Variants in PSMD14 observed in about 807,000 individuals in gnomAD.
PSMD14 encodes proteasome 26S subunit, non-ATPase 14.
A neutral mutation model predicts 41.2 loss-of-function variants in PSMD14; 7 were observed. That is an observed-to-expected ratio of 0.17 (90% CI 0.10 to 0.32). PSMD14 has a LOEUF of 0.32. Ranked by LOEUF, PSMD14 falls within the 10% of genes least tolerant of loss-of-function variation. The pLI is 1.00. For missense variants in PSMD14, 139 were observed against 375.6 expected (o/e 0.37, Z 5.21); for synonymous variants, 114 against 122.3 (o/e 0.93, Z 0.45).
chr2:161,319,630 T>C (rs988913021), intron 3 of PSMD14, among the ~76,000 whole-genome samples: 3 of 152,176 alleles, frequency 2.0e-5, no homozygotes, highest in African/African-American at 7.2e-5. Context: ...AATGTATTGT[T>C]TTATGACCAA....
At chr2:161,369,618 A>G (rs1683406559) in intron 5 of PSMD14, among the ~76,000 whole-genome samples, 1 of 152,074 alleles carries the variant, frequency 6.6e-6, no homozygotes, top group South Asian at 2.1e-4. Context: ...CAGAGAGATG[A>G]TCTGAACCTT....
intron 9 of PSMD14, among the ~76,000 whole-genome samples, chr2:161,393,160 C>T (rs187844288): frequency 8.9e-4 from 135 of 152,212 alleles, no homozygotes; most frequent in Non-Finnish European, 1.7e-3. Context: ...GAATCCTTGT[C>T]CAGGTATGAT....
At chr2:161,373,579 G>C (rs1025432491) in intron 7 of PSMD14, among the ~76,000 whole-genome samples, 2 of 151,850 alleles carry the variant, frequency 1.3e-5, no homozygotes, top group African/African-American at 4.8e-5. Flanking sequence ...ATGAAGAATA[G>C]TATAAGAGTC....
At chr2:161,389,912 T>TTTTTTTTTTTTTTTTTA (rs1299369817) in intron 8 of PSMD14, among the ~76,000 whole-genome samples, 1 of 130,290 alleles carries the variant, frequency 7.7e-6, no homozygotes, top group African/African-American at 3.3e-5. Context: ...TTTTTTTTTT[T>TTTTTTTTTTTTTTTTTA]AGAGATGGGG....
chr2:161,409,868 A>G (rs1684000747), intron 11 of PSMD14, among the ~76,000 whole-genome samples: 1 of 152,060 alleles, frequency 6.6e-6, no homozygotes, highest in South Asian at 2.1e-4. Context: ...TTATTTTCTC[A>G]TCTTATGTGA....
chr2:161,355,733 CT>C (rs1306118814), intron 3 of PSMD14, among the ~76,000 whole-genome samples: 1 of 152,092 alleles, frequency 6.6e-6, no homozygotes, highest in Non-Finnish European at 1.5e-5. Flanking sequence ...TTTTAAAACA[CT>C]TTTATATTAA....
intron 7 of PSMD14, among the ~76,000 whole-genome samples, chr2:161,377,177 T>A (rs942272034): frequency 6.6e-6 from 1 of 151,952 alleles, no homozygotes; most frequent in African/African-American, 2.4e-5. Context: ...TTGATCAGTA[T>A]CCCACGACTA....
At chr2:161,363,743 G>T (rs1013761381) in intron 3 of PSMD14, among the ~76,000 whole-genome samples, 2 of 152,178 alleles carry the variant, frequency 1.3e-5, no homozygotes, top group African/African-American at 4.8e-5. Flanking sequence ...CAGGGCATTC[G>T]ATTGGGATGT....
intron 10 of PSMD14, among the ~76,000 whole-genome samples, chr2:161,407,292 A>G (rs997113759): frequency 3.9e-5 from 6 of 152,170 alleles, no homozygotes; most frequent in Non-Finnish European, 8.8e-5. Context: ...ATACTTTTAT[A>G]ACTGAAAATA....
chr2:161,362,070 T>TA (rs1291636258), intron 3 of PSMD14, among the ~76,000 whole-genome samples: 1 of 152,162 alleles, frequency 6.6e-6, no homozygotes, highest in Non-Finnish European at 1.5e-5. Context: ...TAATTTTAAT[T>TA]AAAAAAATTT....
chr2:161,315,809 A>G (rs923901463), intron 1 of PSMD14, among the ~76,000 whole-genome samples: 1 of 149,416 alleles, frequency 6.7e-6, no homozygotes, highest in Non-Finnish European at 1.5e-5. Context: ...GAATTGTCTT[A>G]TTTAAAAATA....
chr2:161,328,184 T>C (rs887793314), intron 3 of PSMD14, among the ~76,000 whole-genome samples: 1 of 152,118 alleles, frequency 6.6e-6, no homozygotes. Context: ...TTAGGGAAAC[T>C]TTTATATGTC....
intron 9 of PSMD14, among the ~76,000 whole-genome samples, chr2:161,392,584 A>C (rs1325445710): frequency 6.6e-6 from 1 of 152,120 alleles, no homozygotes; most frequent in Non-Finnish European, 1.5e-5. Flanking sequence ...GATAAACTAG[A>C]GTTTTAAAAG....
intron 10 of PSMD14, 67 bp from the exon 11 acceptor site, chr2:161,408,770 T>C (rs1683987554): frequency 1.7e-6 from 2 of 1,202,980 alleles, no homozygotes; most frequent in Non-Finnish European, 2.4e-6. Flanking sequence ...TTATTTTTGG[T>C]GATTATCCTG....
At position 161,400,628 on chromosome 2, in the gene PSMD14, A is replaced by G. The variant is rs552271551; in HGVS notation, c.771+5425A>G. Among the ~76,000 whole-genome samples, 7 of 152,308 alleles carry G rather than the reference A, an allele frequency of 4.6e-5. No individual in the cohort carries two copies. The East Asian group carries it at 1.3e-3, about 29-fold the overall frequency. On this transcript the variant is annotated intron_variant, in intron 10 of 11. Coordinates refer to ENST00000409682, the MANE Select transcript of PSMD14 (RefSeq NM_005805.6). ...GAGTACAATAGCATGATCATGGTTC[A>G]CTGTAGCTTCCACCTCTTGGGCTCA...
chr2:161,322,599 G>A (rs1025269695), intron 3 of PSMD14, among the ~76,000 whole-genome samples: 4 of 151,862 alleles, frequency 2.6e-5, no homozygotes, highest in African/African-American at 4.8e-5. Context: ...CAAGTTGGCC[G>A]GGCTGGTCTT....
intron 10 of PSMD14, among the ~76,000 whole-genome samples, chr2:161,401,106 G>C (rs1043585219): frequency 6.6e-6 from 1 of 152,186 alleles, no homozygotes; most frequent in Non-Finnish European, 1.5e-5. Flanking sequence ...CTTGTAAACA[G>C]ATAATGTAAA....
chr2:161,384,285 T>C (rs965883913), intron 7 of PSMD14: 2 of 151,716 alleles, frequency 1.3e-5, no homozygotes, highest in Admixed American at 6.6e-5. Flanking sequence ...TTTTTTGTTA[T>C]TGTCTTTGGA....
chr2:161,321,977 A>G (rs1307405826), intron 3 of PSMD14, among the ~76,000 whole-genome samples: 1 of 152,172 alleles, frequency 6.6e-6, no homozygotes, highest in Non-Finnish European at 1.5e-5. Flanking sequence ...ATCAAACTCA[A>G]AATTCAAATC....
Sources: allele counts gnomAD v4.1 joint callset (sites outside exome capture counted in the v4.1 genomes callset), GRCh38; gene constraint gnomAD v4.1.1; transcripts MANE v1.5; gene names NCBI Gene and HGNC (gene_info 2026-07-23, HGNC 2026-07-21).